Variants in KCNB2 observed in about 807,000 individuals in gnomAD.
The protein encoded by KCNB2 is potassium voltage-gated channel subfamily B member 2.
In KCNB2, 15 loss-of-function variants were observed where a neutral mutation model predicts 61.5. The ratio of observed to expected loss-of-function variants is 0.24; its 90% CI spans 0.16 to 0.38. The LOEUF is 0.38. Among genes scored for constraint, KCNB2 ranks in the 10% least tolerant of loss-of-function variants. The probability of loss-of-function intolerance (pLI) is 1.00; values close to 1 mark genes in which losing one functional copy is unlikely to be tolerated. For missense variants in KCNB2, 828 were observed against 1,125.2 expected, an observed-to-expected ratio of 0.74 and a Z score of 3.78; for synonymous variants, 457 against 446.0, an observed-to-expected ratio of 1.02 and a Z score of -0.31.
intron 2 of KCNB2, chr8:72,751,503 C>T (rs1023666849): frequency 1.2e-4 from 18 of 152,288 alleles, no homozygotes; most frequent in Admixed American, 1.2e-3. Flanking sequence ...TATACTGCGT[C>T]TTCTTAACAG....
chr8:72,570,545 G>T (rs1806691732), intron 2 of KCNB2, among the ~76,000 whole-genome samples: 1 of 151,356 alleles, frequency 6.6e-6, no homozygotes, highest in Admixed American at 6.6e-5. Context: ...ACCTTTTCCT[G>T]TACTCTTCAC....
intron 2 of KCNB2, among the ~76,000 whole-genome samples, chr8:72,827,295 T>C (rs2129001561): frequency 6.6e-6 from 1 of 152,288 alleles, no homozygotes; most frequent in Non-Finnish European, 1.5e-5. Flanking sequence ...GAGATTTTTT[T>C]CCCACAAGAA....
intron 2 of KCNB2, among the ~76,000 whole-genome samples, chr8:72,574,488 A>AGTGAATAT (rs1233610661): frequency 6.6e-6 from 1 of 152,202 alleles, no homozygotes; most frequent in Non-Finnish European, 1.5e-5. Flanking sequence ...TCACCTTGCA[A>AGTGAATAT]GTGAATATTT....
chr8:72,715,975 G>A (rs1027992842), intron 2 of KCNB2, among the ~76,000 whole-genome samples: 1 of 151,944 alleles, frequency 6.6e-6, no homozygotes, highest in Non-Finnish European at 1.5e-5. Flanking sequence ...AATGACAAAG[G>A]GGATATCACC....
chr8:72,639,392 T>A (rs1218842232), intron 2 of KCNB2, among the ~76,000 whole-genome samples: 2 of 152,194 alleles, frequency 1.3e-5, no homozygotes, highest in Non-Finnish European at 2.9e-5. Context: ...TTTTCAGCTC[T>A]CATGAAGTCA....
At chr8:72,923,741 C>G (rs1344413008) in intron 2 of KCNB2, among the ~76,000 whole-genome samples, 1 of 152,012 alleles carries the variant, frequency 6.6e-6, no homozygotes, top group Non-Finnish European at 1.5e-5. Context: ...GGCTAACTGG[C>G]AATTACATAA....
chr8:72,607,475 C>G (rs911886242), intron 2 of KCNB2, among the ~76,000 whole-genome samples: 3 of 152,206 alleles, frequency 2.0e-5, no homozygotes, highest in Non-Finnish European at 4.4e-5. Context: ...GTTACCATTA[C>G]AGTGACTCAT....
chr8:72,742,955 C>G (rs986426558), intron 2 of KCNB2, among the ~76,000 whole-genome samples: 25 of 152,310 alleles, frequency 1.6e-4, no homozygotes, highest in Admixed American at 9.2e-4. Flanking sequence ...CAGCTCTGTC[C>G]CATATGTTCC....
In KCNB2 at chr8:72,792,556, C is replaced by T. The variant is rs1004198669; in HGVS notation, c.580-143379C>T. On this transcript the variant is annotated intron_variant, in intron 2 of 2. Coordinates refer to ENST00000523207, the MANE Select transcript of KCNB2 (RefSeq NM_004770.3). ...CCGTCAGTGGCATTTAAACTGGTTG[C>T]ATGGTACTTGGGCAGCCTAGGGAAA... Among the ~76,000 whole-genome samples the T allele has an allele frequency of 3.3e-5, 5 of 152,154 alleles. No homozygotes were observed. In the South Asian group the frequency reaches 8.3e-4, roughly 25 times the overall value.
chr8:72,822,012 C>T (rs1254528133), intron 2 of KCNB2, among the ~76,000 whole-genome samples: 1 of 152,190 alleles, frequency 6.6e-6, no homozygotes, highest in Non-Finnish European at 1.5e-5. Context: ...CCACTACCAC[C>T]ACCAACAGCT....
intron 2 of KCNB2, chr8:72,751,475 A>G (rs956990267): frequency 1.3e-5 from 2 of 152,136 alleles, no homozygotes; most frequent in Non-Finnish European, 2.9e-5. Context: ...ACAGAACCCA[A>G]AAGTTTAGCC....
chr8:72,892,272 G>T (rs1489172346), intron 2 of KCNB2, among the ~76,000 whole-genome samples: 1 of 152,108 alleles, frequency 6.6e-6, no homozygotes, highest in African/African-American at 2.4e-5. Flanking sequence ...TAAGAAGGGG[G>T]AGATAACAAG....
chr8:72,763,594 C>A (rs1808419767), intron 2 of KCNB2, among the ~76,000 whole-genome samples: 1 of 152,148 alleles, frequency 6.6e-6, no homozygotes, highest in Admixed American at 6.6e-5. Context: ...ATTTAAAACC[C>A]AGACTTCAAT....
At chr8:72,757,024 G>A (rs1808301071) in intron 2 of KCNB2, among the ~76,000 whole-genome samples, 1 of 152,134 alleles carries the variant, frequency 6.6e-6, no homozygotes, top group African/African-American at 2.4e-5. Context: ...GAAATCATTG[G>A]CAGAGCATGA....
chr8:72,805,730 C>G (rs1403268965), intron 2 of KCNB2, among the ~76,000 whole-genome samples: 3 of 152,142 alleles, frequency 2.0e-5, no homozygotes, highest in African/African-American at 7.2e-5. Flanking sequence ...TACAATTGTT[C>G]TCGAGGTATG....
intron 2 of KCNB2, among the ~76,000 whole-genome samples, chr8:72,928,869 A>C (rs1021630853): frequency 1.3e-5 from 2 of 152,022 alleles, no homozygotes; most frequent in African/African-American, 2.4e-5. Context: ...ACCATTGCTT[A>C]AGTGAATGTG....
At chr8:72,541,915 T>C (rs888928676) in intron 1 of KCNB2, among the ~76,000 whole-genome samples, 1 of 152,130 alleles carries the variant, frequency 6.6e-6, no homozygotes, top group Admixed American at 6.5e-5. Context: ...TATTTGTTTT[T>C]TAAAAATTAT....
chr8:72,817,272 G>GA (rs1263544560), intron 2 of KCNB2, among the ~76,000 whole-genome samples: 2 of 152,054 alleles, frequency 1.3e-5, no homozygotes, highest in Non-Finnish European at 2.9e-5. Flanking sequence ...AAGTGGTGCT[G>GA]AAAAAAATCT....
intron 2 of KCNB2, among the ~76,000 whole-genome samples, chr8:72,590,644 A>G (rs1258867026): frequency 6.6e-6 from 1 of 152,156 alleles, no homozygotes; most frequent in African/African-American, 2.4e-5. Context: ...TCTTGTAACA[A>G]TTTATTTGCA....
Sources: gnomAD v4.1 joint callset for allele counts (sites outside exome capture counted in the v4.1 genomes callset) on GRCh38, gnomAD v4.1.1 for gene constraint, MANE v1.5 for transcripts, NCBI Gene and HGNC (gene_info 2026-07-23, HGNC 2026-07-21) for gene names.